The following PIK3C2A variants were observed in gnomAD, a reference collection of about 807,000 sequenced individuals.
PIK3C2A encodes phosphatidylinositol-4-phosphate 3-kinase catalytic subunit type 2 alpha.
Under a neutral mutation model 204.5 loss-of-function variants are expected in PIK3C2A, and 97 were observed. The observed-to-expected ratio is 0.47, with a 90% confidence interval of 0.40 to 0.56. The LOEUF (loss-of-function observed/expected upper bound fraction) is 0.56. PIK3C2A is among the 20% of genes least tolerant of loss of function. PIK3C2A has a pLI of 0.00. For missense variants in PIK3C2A, 1,735 were observed against 1,969.2 expected (o/e 0.88, Z 2.25); for synonymous variants, 653 against 664.4 (o/e 0.98, Z 0.26).
chr11:17,169,343 A>C lies in PIK3C2A; in HGVS notation c.399T>G (p.Phe133Leu), dbSNP rs61755370. 4,488 of 1,614,058 alleles carry C rather than the reference A, an allele frequency of 2.8e-3. 24 individuals carry two copies. The highest frequency in any genetic ancestry group is 0.021 in the Middle Eastern group (126 of 6,062). Residue 133 changes from phenylalanine to leucine, a missense_variant, in exon 2 of 33, where the codon TTT (phenylalanine) becomes TTG (leucine). Phe to Leu is a conservative substitution (Grantham distance 22). Transcript: ENST00000691414. Reference sequence around the variant, plus strand: ...ACTGTCCTCTCTGAATAGTAGGTCTAAAATAGAGCTGTGCTGAAAAGGAAG... The same window carrying C: ...ACTGTCCTCTCTGAATAGTAGGTCTCAAATAGAGCTGTGCTGAAAAGGAAG... ...LSPSFSAQLY[F>L]RPTIQRGQWP...
chr11:17,133,507 G>A (rs1230099714), intron 11 of PIK3C2A, among the ~76,000 whole-genome samples: 3 of 152,002 alleles, frequency 2.0e-5, no homozygotes, highest in Non-Finnish European at 4.4e-5. Context: ...TTAATCTAAA[G>A]CCCAATTTAA....
chr11:17,203,519 T>C (rs1485590794), intron 1 of PIK3C2A, among the ~76,000 whole-genome samples: 1 of 152,150 alleles, frequency 6.6e-6, no homozygotes, highest in East Asian at 1.9e-4. Context: ...TACAGCAATA[T>C]TTGCAAGTAT....
intron 32 of PIK3C2A, among the ~76,000 whole-genome samples, chr11:17,090,611 A>C (rs1848280471): frequency 1.3e-5 from 2 of 152,208 alleles, no homozygotes; most frequent in African/African-American, 4.8e-5. Flanking sequence ...ACACACTGGA[A>C]ACGTAGTTGA....
At chr11:17,136,672 G>C (rs1015744414) in intron 8 of PIK3C2A, 47 bp from the exon 9 acceptor site, 2 of 1,099,784 alleles carry the variant, frequency 1.8e-6, no homozygotes, top group East Asian at 2.6e-5. Context: ...GAAATTTAAA[G>C]GACCAATTCC....
At chr11:17,115,913 A>C (rs1305011785) in intron 19 of PIK3C2A, 1 of 152,210 alleles carries the variant, frequency 6.6e-6, no homozygotes, top group East Asian at 1.9e-4. Flanking sequence ...CAAAGACCTA[A>C]ACATAAGAGC....
chr11:17,096,679 G>C (rs1848465295), intron 27 of PIK3C2A, among the ~76,000 whole-genome samples: 2 of 152,170 alleles, frequency 1.3e-5, no homozygotes, highest in Non-Finnish European at 1.5e-5. Context: ...CAACAAAAAA[G>C]ATAACACTAC....
chr11:17,127,455 T>G (rs1386035255), intron 13 of PIK3C2A, among the ~76,000 whole-genome samples: 1 of 152,030 alleles, frequency 6.6e-6, no homozygotes, highest in East Asian at 1.9e-4. Flanking sequence ...ATTACAGATG[T>G]GCGCCACCAC....
chr11:17,162,189 T>C (rs778781428), intron 2 of PIK3C2A, among the ~76,000 whole-genome samples: 1 of 151,834 alleles, frequency 6.6e-6, no homozygotes, highest in East Asian at 1.9e-4. Flanking sequence ...ATAGAAAAAT[T>C]TGCCGGGTGT....
chr11:17,198,597 C>T (rs1351622851), intron 1 of PIK3C2A, among the ~76,000 whole-genome samples: 2 of 152,092 alleles, frequency 1.3e-5, no homozygotes, highest in African/African-American at 4.8e-5. Flanking sequence ...GTTAACATCA[C>T]CCTGCCTTGA....
intron 13 of PIK3C2A, among the ~76,000 whole-genome samples, chr11:17,125,003 G>C (rs1166344137): frequency 6.6e-6 from 1 of 152,126 alleles, no homozygotes; most frequent in Non-Finnish European, 1.5e-5. Flanking sequence ...AGTTGGTATT[G>C]TATACTACTT....
chr11:17,103,075 C>T (rs1349348638), intron 23 of PIK3C2A, among the ~76,000 whole-genome samples: 1 of 151,876 alleles, frequency 6.6e-6, no homozygotes, highest in Non-Finnish European at 1.5e-5. Context: ...GGGATCTCTA[C>T]CAGTCCCTAC....
intron 30 of PIK3C2A, 99 bp from the exon 31 acceptor site, chr11:17,091,755 C>T (rs1172174677): frequency 3.3e-5 from 26 of 795,274 alleles, no homozygotes; most frequent in Admixed American, 5.3e-5. Flanking sequence ...ACATGTGGTG[C>T]GGACAGAAGG....
At chr11:17,105,113 A>T in intron 23 of PIK3C2A, 56 bp downstream of exon 23, 1 of 1,399,222 alleles carries the variant, frequency 7.1e-7, no homozygotes, top group Non-Finnish European at 1.0e-6. Flanking sequence ...AGAACTTAAA[A>T]CCTCTGTAAC....
Position 17,105,237 on chromosome 11 carries a change from A to G in PIK3C2A, c.3613T>C (p.Ser1205Pro), listed in dbSNP as rs892797218. The G allele has an allele frequency of 1.9e-5, 31 of 1,610,738 alleles. No homozygotes were observed. The highest frequency in any genetic ancestry group is 2.6e-5 in the Non-Finnish European group (31 of 1,177,218). Residue 1205 changes from serine to proline, a missense_variant, in exon 23 of 33, where the codon TCC becomes CCC. This residue lies in a region of PIK3C2A where 503 missense variants were observed against 669.0 expected (regional missense o/e 0.75). Coordinates refer to ENST00000691414, the MANE Select transcript of PIK3C2A (RefSeq NM_002645.4). ...TCTGCAAGTGGTTTATCTTTAAAGGATCCTGTCACACCATATTCCACTTGG... is the reference window on the plus strand; with the variant it reads ...TCTGCAAGTGGTTTATCTTTAAAGGGTCCTGTCACACCATATTCCACTTGG... ...KIQVEYGVTG[S>P]FKDKPLAEWL...
intron 21 of PIK3C2A, among the ~76,000 whole-genome samples, chr11:17,111,285 C>T (rs188657080): frequency 9.3e-4 from 141 of 152,232 alleles, no homozygotes; most frequent in Admixed American, 1.9e-3. Flanking sequence ...TGTATCAATG[C>T]CAATATCCTG....
chr11:17,102,162 C>A (rs879730741), intron 24 of PIK3C2A, among the ~76,000 whole-genome samples: 2 of 152,070 alleles, frequency 1.3e-5, no homozygotes, highest in Non-Finnish European at 2.9e-5. Flanking sequence ...TTTAGCTGCG[C>A]ATGGTGGCTC....
In PIK3C2A at chr11:17,117,623, T is replaced by C. The variant is rs1388750886; in HGVS notation, c.3084A>G (p.Glu1028=). 1 of 1,613,002 alleles carries C rather than the reference T, an allele frequency of 6.2e-7. No homozygotes were observed. The highest frequency in any genetic ancestry group is 1.7e-5 in the Admixed American group (1 of 59,988). Residue 1028 remains glutamate, a synonymous_variant, in exon 19 of 33, where the codon GAA becomes GAG. Transcript: ENST00000691414. ...LHDVQFSTRY[E]HVLGALLSVG... ...CTGACAGGAGAGCACCCAAAACATG[T>C]TCGTATCGGGTACTAAACTGTACAT...
chr11:17,168,560 G>A lies in PIK3C2A; in HGVS notation c.1065+117C>T, dbSNP rs143688949. On this transcript the variant is annotated intron_variant, in intron 2 of 32. Transcript: ENST00000691414. The stretch of plus-strand genomic sequence containing the variant: ...CACGCCACTGCACTCCAGCCTGGGC[G>A]ACAGAGCGAGACTCCTTCTTAAAAA... The A allele has an allele frequency of 8.9e-4, 651 of 728,802 alleles. 2 individuals carry two copies. In the African/African-American group the frequency reaches 0.01, roughly 11 times the overall value. The allele number at this position is 728,802 out of a possible 1,614,324, so 45.1% of individuals were successfully genotyped here.
At chr11:17,192,033 T>C (rs1851964007) in intron 1 of PIK3C2A, among the ~76,000 whole-genome samples, 1 of 150,944 alleles carries the variant, frequency 6.6e-6, no homozygotes, top group Non-Finnish European at 1.5e-5. Flanking sequence ...TAGTCCCAGC[T>C]AGTCAGGAGG....
Sources: allele counts gnomAD v4.1 joint callset (sites outside exome capture counted in the v4.1 genomes callset), GRCh38; gene constraint gnomAD v4.1.1; regional missense constraint gnomAD v4.1.1; transcripts MANE v1.5; gene names NCBI Gene and HGNC (gene_info 2026-07-23, HGNC 2026-07-21).